The following CDK19 variants were observed in gnomAD, a reference collection of about 807,000 sequenced individuals.
CDK19 encodes the protein cyclin-dependent kinase 19.
CDK19 carries 20 observed loss-of-function variants against 68.3 expected under a neutral mutation model. That is an observed-to-expected ratio of 0.29 (90% CI 0.21 to 0.43). The LOEUF (loss-of-function observed/expected upper bound fraction) is 0.43, where lower values mean the gene tolerates loss of function less well. CDK19 is among the 20% of genes least tolerant of loss of function. The probability of loss-of-function intolerance (pLI) is 1.00; values close to 1 mark genes in which losing one functional copy is unlikely to be tolerated. For synonymous variants in CDK19, 221 were observed against 222.8 expected, an observed-to-expected ratio of 0.99 and a Z score of 0.07; for missense variants, 339 against 623.5, an observed-to-expected ratio of 0.54 and a Z score of 4.86.
chr6:110,773,475 A>G (rs956931952), intron 1 of CDK19, among the ~76,000 whole-genome samples: 2 of 152,162 alleles, frequency 1.3e-5, no homozygotes, highest in African/African-American at 4.8e-5. Context: ...CTGCCCCTCT[A>G]TTGTGAAGCA....
At chr6:110,803,243 C>T (rs1247864367) in intron 1 of CDK19, among the ~76,000 whole-genome samples, 1 of 152,166 alleles carries the variant, frequency 6.6e-6, no homozygotes, top group Non-Finnish European at 1.5e-5. Flanking sequence ...CCATGCCCGG[C>T]TCATTTTTGG....
At chr6:110,747,021 A>G (rs142888112) in intron 1 of CDK19, among the ~76,000 whole-genome samples, 3 of 152,218 alleles carry the variant, frequency 2.0e-5, no homozygotes, top group Non-Finnish European at 4.4e-5. Flanking sequence ...GCTGAATGTC[A>G]TAACTATAGT....
At chr6:110,727,455 T>C (rs372002801) in intron 2 of CDK19, among the ~76,000 whole-genome samples, 6 of 152,180 alleles carry the variant, frequency 3.9e-5, no homozygotes, top group African/African-American at 1.4e-4. Context: ...GTATTAATTA[T>C]ATTCAAAAAT....
intron 1 of CDK19, among the ~76,000 whole-genome samples, chr6:110,791,243 G>A (rs1781576763): frequency 6.6e-6 from 1 of 151,264 alleles, no homozygotes; most frequent in Non-Finnish European, 1.5e-5. Flanking sequence ...GATCTGTCAT[G>A]GAAAAAAAGA....
intron 2 of CDK19, among the ~76,000 whole-genome samples, chr6:110,722,676 C>A (rs1227440760): frequency 1.3e-5 from 2 of 152,062 alleles, no homozygotes; most frequent in East Asian, 3.9e-4. Flanking sequence ...ATAAAGAATT[C>A]CTAGCCTAGG....
intron 5 of CDK19, among the ~76,000 whole-genome samples, chr6:110,635,583 A>G (rs1163052023): frequency 5.3e-5 from 8 of 152,048 alleles, no homozygotes; most frequent in Admixed American, 2.0e-4. Context: ...TCTGTCGCCC[A>G]GGCTGGAGTG....
intron 1 of CDK19, among the ~76,000 whole-genome samples, chr6:110,756,373 G>A (rs972278301): frequency 6.6e-6 from 1 of 151,010 alleles, no homozygotes. Flanking sequence ...CTGGGAGACA[G>A]AGCGAGACTC....
rs1778718578 is a variant in CDK19 at position 110,621,551 on chromosome 6, G to A, written c.1111-181C>T. On this transcript the variant is annotated intron_variant, in intron 11 of 12. Transcript: ENST00000368911. This position sits in a 1 kb window ranked among gnomAD's most constrained non-coding sequence, Gnocchi z 5.4. Reference sequence around the variant, plus strand: ...GGAACACAGTGTTCCCAAAGGGCAAGGCGCTGAGCCCCAAACAGGACTCTT... The same window carrying A: ...GGAACACAGTGTTCCCAAAGGGCAAAGCGCTGAGCCCCAAACAGGACTCTT... 6.6e-6 allele frequency among the ~76,000 whole-genome samples: 1 copy of A among 152,150 alleles called. No individual in the cohort carries two copies. The highest frequency in any genetic ancestry group is 2.1e-4 in the South Asian group (1 of 4,826).
chr6:110,772,206 C>T (rs1780066887), intron 1 of CDK19, among the ~76,000 whole-genome samples: 2 of 152,134 alleles, frequency 1.3e-5, no homozygotes. Context: ...ATTGGACTTA[C>T]AGTTCCACAC....
At chr6:110,780,407 A>AG (rs1780723883) in intron 1 of CDK19, among the ~76,000 whole-genome samples, 1 of 150,072 alleles carries the variant, frequency 6.7e-6, no homozygotes, top group African/African-American at 2.5e-5. Context: ...AAAAAAAAAA[A>AG]GTCACACTGT....
intron 2 of CDK19, among the ~76,000 whole-genome samples, chr6:110,712,902 T>C (rs1323224553): frequency 6.6e-6 from 1 of 151,982 alleles, no homozygotes; most frequent in African/African-American, 2.4e-5. Context: ...AGACATACTG[T>C]TCATCACAGT....
intron 1 of CDK19, among the ~76,000 whole-genome samples, chr6:110,780,464 A>G (rs1010843827): frequency 1.3e-5 from 2 of 148,870 alleles, no homozygotes; most frequent in African/African-American, 5.0e-5. Flanking sequence ...CAAGGTATAT[A>G]TCAGAAGACA....
intron 3 of CDK19, among the ~76,000 whole-genome samples, chr6:110,668,506 C>T (rs907733455): frequency 6.6e-5 from 10 of 151,948 alleles, no homozygotes; most frequent in Middle Eastern, 3.2e-3. Context: ...ATACTGGGAG[C>T]CACATGTATA....
intron 4 of CDK19, among the ~76,000 whole-genome samples, chr6:110,650,151 G>C (rs923576839): frequency 2.6e-5 from 4 of 152,262 alleles, no homozygotes; most frequent in Admixed American, 2.6e-4. Flanking sequence ...TATAGAACAG[G>C]ATGCCATTTC....
chr6:110,792,011 G>T (rs555914699), intron 1 of CDK19, among the ~76,000 whole-genome samples: 2 of 146,750 alleles, frequency 1.4e-5, no homozygotes, highest in African/African-American at 5.0e-5. Flanking sequence ...CCATTCTGTT[G>T]CCAGGCTGGA....
intron 2 of CDK19, among the ~76,000 whole-genome samples, chr6:110,710,504 A>T (rs1426135894): frequency 2.0e-5 from 3 of 152,234 alleles, no homozygotes; most frequent in African/African-American, 7.2e-5. Flanking sequence ...TTGGGCTGCT[A>T]TGGCAAATTA....
intron 1 of CDK19, among the ~76,000 whole-genome samples, chr6:110,769,563 T>C (rs1326655871): frequency 3.1e-5 from 4 of 130,214 alleles, no homozygotes; most frequent in Admixed American, 7.8e-5. Flanking sequence ...AGATTCCATC[T>C]CAAAAAAAAA....
intron 6 of CDK19, among the ~76,000 whole-genome samples, chr6:110,630,733 T>C (rs993051326): frequency 2.6e-5 from 4 of 152,246 alleles, no homozygotes; most frequent in African/African-American, 9.6e-5. Flanking sequence ...AAGGGTTTTA[T>C]GTCACTCTCA....
intron 2 of CDK19, among the ~76,000 whole-genome samples, chr6:110,676,074 C>A (rs1020546102): frequency 7.2e-5 from 11 of 152,094 alleles, no homozygotes; most frequent in Admixed American, 2.6e-4. Flanking sequence ...ATTCATGATT[C>A]CTTCAAGGAG....
Sources: gnomAD v4.1 joint callset for allele counts (sites outside exome capture counted in the v4.1 genomes callset) on GRCh38, gnomAD v4.1.1 for gene constraint, Gnocchi (gnomAD v3.1) non-coding constraint, MANE v1.5 for transcripts, NCBI Gene and HGNC (gene_info 2026-07-23, HGNC 2026-07-21) for gene names.